PPFIBP1: variants seen among roughly 807,000 people sequenced by gnomAD.
PPFIBP1 encodes the protein PPFIB scaffold protein 1.
A neutral mutation model predicts 137.8 loss-of-function variants in PPFIBP1; 112 were observed. The observed-to-expected ratio is 0.81, with a 90% CI of 0.70 to 0.95. PPFIBP1 has a LOEUF of 0.95. Among genes scored for constraint, PPFIBP1 ranks in the 40% least tolerant of loss-of-function variants. The probability of loss-of-function intolerance (pLI) is 0.00; values close to 1 mark genes in which losing one functional copy is unlikely to be tolerated. For missense variants in PPFIBP1, 1,083 were observed against 1,196.6 expected (o/e 0.91, Z 1.40); for synonymous variants, 378 against 417.3 (o/e 0.91, Z 1.15).
chr12:27,634,927 T>C lies in PPFIBP1; in HGVS notation c.82T>C (p.Tyr28His). Reference sequence around the variant, plus strand: ...TAACTTAGGTTCTAAGGCTCTGGAATATTCCAATGGGATTTTTGATTGCCA... The same window carrying C: ...TAACTTAGGTTCTAAGGCTCTGGAACATTCCAATGGGATTTTTGATTGCCA... The part of the protein sequence containing the change: ...GIIAGSKALE[Y>H]SNGIFDCQSP... The change falls in exon 4 of 30, where the codon TAT (tyrosine) becomes CAT (histidine). Residue 28 changes from tyrosine (Y) to histidine (H), a missense_variant. By Grantham distance (83) the Tyr-to-His change is moderately conservative. Coordinates refer to ENST00000228425, the MANE Select transcript of PPFIBP1 (RefSeq NM_003622.4). 1 of 1,614,000 alleles carries C rather than the reference T, an allele frequency of 6.2e-7. No homozygotes were observed. Among genetic ancestry groups the C allele is most frequent in the Non-Finnish European group, 8.5e-7 (1 of 1,179,874 alleles).
In PPFIBP1 at chr12:27,691,769, C is replaced by T. The variant is rs544211771; in HGVS notation, c.2706C>T (p.Ser902=). 6.2e-7 allele frequency: 1 copy of T among 1,608,996 alleles called. No homozygotes were observed. The highest frequency in any genetic ancestry group is 1.3e-5 in the African/African-American group (1 of 74,840). Residue 902 remains serine, a synonymous_variant, in exon 28 of 30, where the codon AGC becomes AGT. Transcript: ENST00000228425. Reference sequence around the variant, plus strand: ...TAAAGCCAAAGAAACTTGCCTTTAGCAATTTTGGGAATTTGAGAAAGAAGA... The same window carrying T: ...TAAAGCCAAAGAAACTTGCCTTTAGTAATTTTGGGAATTTGAGAAAGAAGA... The part of the protein sequence containing the change: ...AKVKPKKLAF[S]NFGNLRKKKQ...
At chr12:27,677,149 T>C (rs2060568355) in intron 19 of PPFIBP1, 53 bp downstream of exon 19, 1 of 1,600,488 alleles carries the variant, frequency 6.2e-7, no homozygotes, top group East Asian at 2.2e-5. Context: ...CAAACCAATC[T>C]AATCCCTGCT....
intron 2 of PPFIBP1, among the ~76,000 whole-genome samples, chr12:27,596,071 T>TACACACACAC (rs376577510): frequency 0.015 from 2,019 of 130,702 alleles, 43 homozygotes; most frequent in East Asian, 0.035. Flanking sequence ...TGGGTATAAA[T>TACACACACAC]ACACACACAC....
At chr12:27,690,021 G>GT (rs1443810468) in intron 27 of PPFIBP1, among the ~76,000 whole-genome samples, 1 of 152,154 alleles carries the variant, frequency 6.6e-6, no homozygotes, top group Non-Finnish European at 1.5e-5. Context: ...GAGCATGCAT[G>GT]TTTTGGGTGG....
intron 5 of PPFIBP1, 73 bp downstream of exon 5, chr12:27,646,221 C>A: frequency 8.3e-7 from 1 of 1,199,508 alleles, no homozygotes; most frequent in Non-Finnish European, 1.2e-6. Flanking sequence ...GTGGCAAATT[C>A]AGATTGCTTG....
chr12:27,622,636 C>A (rs2056443219), intron 2 of PPFIBP1, among the ~76,000 whole-genome samples: 2 of 152,228 alleles, frequency 1.3e-5, no homozygotes. Context: ...CAGACACACA[C>A]ACGCACATAC....
intron 2 of PPFIBP1, among the ~76,000 whole-genome samples, chr12:27,604,879 G>A (rs1230596823): frequency 6.6e-6 from 1 of 152,198 alleles, no homozygotes; most frequent in Non-Finnish European, 1.5e-5. Flanking sequence ...CAGAAGGCAA[G>A]GAGGAACAAG....
chr12:27,683,188 C>T (rs1393801478), intron 24 of PPFIBP1, among the ~76,000 whole-genome samples: 4 of 152,020 alleles, frequency 2.6e-5, no homozygotes, highest in Non-Finnish European at 4.4e-5. Flanking sequence ...CTCAGCCTCC[C>T]GAGTAGCTGG....
At chr12:27,642,916 C>A (rs373804689) in intron 4 of PPFIBP1, among the ~76,000 whole-genome samples, 1 of 151,274 alleles carries the variant, frequency 6.6e-6, no homozygotes, top group Non-Finnish European at 1.5e-5. Context: ...GCCTGCAGGA[C>A]GAAAGAAAGG....
At chr12:27,688,603 A>G (rs1397812010) in intron 26 of PPFIBP1, among the ~76,000 whole-genome samples, 180 bp downstream of exon 26, 1 of 152,234 alleles carries the variant, frequency 6.6e-6, no homozygotes, top group African/African-American at 2.4e-5. Context: ...TCTAGATTGA[A>G]TTTAAAGCCA....
At chr12:27,599,448 A>G (rs1360932911) in intron 2 of PPFIBP1, 1 of 455,644 alleles carries the variant, frequency 2.2e-6, no homozygotes, top group African/African-American at 2.0e-5. Context: ...TGCAGTTAGC[A>G]GATCTTGGGA....
intron 1 of PPFIBP1, among the ~76,000 whole-genome samples, chr12:27,530,914 G>A (rs1353083956): frequency 3.9e-5 from 6 of 152,220 alleles, no homozygotes; most frequent in Non-Finnish European, 7.3e-5. Context: ...AAGGTTAGAA[G>A]GAGGCTGAGA....
chr12:27,661,046 C>A, intron 11 of PPFIBP1, 101 bp downstream of exon 11: 2 of 1,496,246 alleles, frequency 1.3e-6, no homozygotes, highest in African/African-American at 1.4e-5. Flanking sequence ...AGAACATGCC[C>A]AGAACACTGC....
chr12:27,605,280 G>T (rs2054409401), intron 2 of PPFIBP1, among the ~76,000 whole-genome samples: 1 of 152,114 alleles, frequency 6.6e-6, no homozygotes, highest in Admixed American at 6.5e-5. Context: ...GAAGCTATAA[G>T]ACAAAAGGGG....
intron 2 of PPFIBP1, among the ~76,000 whole-genome samples, chr12:27,585,211 A>C (rs12302871): frequency 0.42 from 63,383 of 152,152 alleles, 14,215 homozygotes; most frequent in Non-Finnish European, 0.52. Context: ...TGGCTTTAAA[A>C]AAATCTTTTT....
intron 26 of PPFIBP1, among the ~76,000 whole-genome samples, chr12:27,688,745 C>T (rs1434380111): frequency 6.6e-6 from 1 of 152,156 alleles, no homozygotes; most frequent in African/African-American, 2.4e-5. Context: ...AGGTGGCTCC[C>T]ACAGACAGCA....
intron 19 of PPFIBP1, chr12:27,677,297 C>A: frequency 1.6e-6 from 1 of 627,304 alleles, no homozygotes; most frequent in Non-Finnish European, 2.8e-6. Flanking sequence ...CTGTTTTAAC[C>A]AATACTAGTA....
intron 1 of PPFIBP1, among the ~76,000 whole-genome samples, chr12:27,527,027 G>C (rs560558480): frequency 2.0e-5 from 3 of 152,066 alleles, no homozygotes; most frequent in African/African-American, 7.2e-5. Flanking sequence ...GTAGCTCCCT[G>C]TTCCACCGTG....
At chr12:27,642,824 C>T (rs1197053950) in intron 4 of PPFIBP1, among the ~76,000 whole-genome samples, 2 of 151,756 alleles carry the variant, frequency 1.3e-5, no homozygotes, top group Non-Finnish European at 2.9e-5. Flanking sequence ...ATTACAGGTC[C>T]CAGCAAAACA....
Sources: gnomAD v4.1 joint callset for allele counts (sites outside exome capture counted in the v4.1 genomes callset) on GRCh38, gnomAD v4.1.1 for gene constraint, MANE v1.5 for transcripts, NCBI Gene and HGNC (gene_info 2026-07-23, HGNC 2026-07-21) for gene names.